Variants in TRIO observed in about 807,000 individuals in gnomAD.
TRIO encodes triple functional domain protein.
TRIO carries 58 observed loss-of-function variants against 351.9 expected under a neutral mutation model. The ratio of observed to expected loss-of-function variants is 0.16; its 90% CI spans 0.13 to 0.21. The LOEUF is 0.21. Among genes scored for constraint, TRIO ranks in the 10% least tolerant of loss-of-function variants. TRIO has a pLI of 1.00. For missense variants in TRIO, 3,201 were observed against 4,027.8 expected (o/e 0.79, Z 5.56); for synonymous variants, 1,758 against 1,595.7 (o/e 1.10, Z -2.42).
rs1382445656 is a variant in TRIO, at chr5:14,476,907, G to A, written c.6097G>A (p.Glu2033Lys). ...YDWHRDFFLG[E>K]LEKCLEDPEK... is the part of the protein sequence containing the mutation. ...CTTTCTTTCCAGCTTTTTTTTAGGA[G>A]AGTTAGAGAAGTGCCTTGAAGATCC... is the stretch of plus-strand genomic sequence containing the variant. Residue 2033 changes from glutamate to lysine, a missense_variant, in exon 41 of 57, where the codon GAG becomes AAG. Around this residue, in one of 19 missense-constraint regions of TRIO, gnomAD observed 307 missense variants for 396.5 expected, o/e 0.77. Transcript: ENST00000344204. 1 of 1,613,578 alleles carries A rather than the reference G, an allele frequency of 6.2e-7. No homozygotes were observed.
intron 1 of TRIO, among the ~76,000 whole-genome samples, chr5:14,254,189 C>G (rs148202952): frequency 3.7e-4 from 56 of 151,802 alleles, no homozygotes; most frequent in African/African-American, 1.3e-3. Context: ...GTTCTCCCCC[C>G]CTCCCCCCGC....
At chr5:14,494,313 A>C (rs1756716027) in intron 49 of TRIO, among the ~76,000 whole-genome samples, 1 of 152,108 alleles carries the variant, frequency 6.6e-6, no homozygotes, top group Non-Finnish European at 1.5e-5. Flanking sequence ...AGAGGCATCT[A>C]CTCTGCCTGT....
chr5:14,191,557 G>GGTA, intron 1 of TRIO, among the ~76,000 whole-genome samples: 1 of 150,512 alleles, frequency 6.6e-6, no homozygotes, highest in Non-Finnish European at 1.5e-5. Flanking sequence ...AAAAAAAAGT[G>GGTA]GTAGTAGTAG....
At chr5:14,374,008 A>C (rs879935806) in intron 18 of TRIO, among the ~76,000 whole-genome samples, 2 of 152,138 alleles carry the variant, frequency 1.3e-5, no homozygotes, top group South Asian at 4.1e-4. Context: ...GGGCCTCTCT[A>C]TAGGGCAGAA....
chr5:14,438,871 A>G (rs182730891), intron 34 of TRIO, among the ~76,000 whole-genome samples: 107 of 152,282 alleles, frequency 7.0e-4, no homozygotes, highest in Non-Finnish European at 1.2e-3. Flanking sequence ...TACTTACTGT[A>G]TAAAATGCCC....
chr5:14,498,091 C>A lies in TRIO; in HGVS notation c.8050C>A (p.Pro2684Thr). ...LLNPNYIYDV[P>T]PEFVIPLSEV... is the part of the protein sequence containing the mutation. ...TTACCGACTCCTTTCCCATGCAGTTCCCCCAGAATTCGTCATTCCATTGAG... is the reference window on the plus strand; with the variant it reads ...TTACCGACTCCTTTCCCATGCAGTTACCCCAGAATTCGTCATTCCATTGAG... Residue 2684 changes from proline to threonine, a missense_variant and splice_region_variant, in exon 52 of 57, where the codon CCC becomes ACC. Transcript: ENST00000344204. 1.2e-6 allele frequency: 2 copies of A among 1,614,100 alleles called. No homozygotes were observed. The highest frequency in any genetic ancestry group is 1.7e-6 in the Non-Finnish European group (2 of 1,180,018).
At chr5:14,205,010 A>T (rs1791369280) in intron 1 of TRIO, among the ~76,000 whole-genome samples, 1 of 152,136 alleles carries the variant, frequency 6.6e-6, no homozygotes, top group Non-Finnish European at 1.5e-5. Flanking sequence ...TCCTCTTCCA[A>T]GCTCTTTTTC....
Position 14,359,391 on chromosome 5 carries a change from A to G in TRIO, c.2251A>G (p.Asn751Asp). ...CATCTCCAGTAACAAGACCCCCCACAACAGCTCCATCAACCACATTGAGAC... is the reference window on the plus strand; with the variant it reads ...CATCTCCAGTAACAAGACCCCCCACGACAGCTCCATCAACCACATTGAGAC... ...SAISSNKTPH[N>D]SSINHIETVL... Residue 751 changes from asparagine to aspartate, a missense_variant, in exon 13 of 57, where the codon AAC (asparagine) becomes GAC (aspartate). Coordinates refer to ENST00000344204, the MANE Select transcript of TRIO (RefSeq NM_007118.4). The G allele has an allele frequency of 6.2e-7, 1 of 1,614,198 alleles. No homozygotes were observed. The highest frequency in any genetic ancestry group is 8.5e-7 in the Non-Finnish European group (1 of 1,180,004).
chr5:14,503,131 C>T (rs1757414820), intron 54 of TRIO, among the ~76,000 whole-genome samples: 1 of 152,254 alleles, frequency 6.6e-6, no homozygotes, highest in Admixed American at 6.5e-5. Flanking sequence ...TCAGGGGTGG[C>T]CCAGCAGTGC....
At chr5:14,466,196 C>G (rs1754251685) in intron 37 of TRIO, 1 of 158,738 alleles carries the variant, frequency 6.3e-6, no homozygotes, top group Admixed American at 5.9e-5. Flanking sequence ...CAAGTTCCCT[C>G]CTAGAAGCTG....
intron 1 of TRIO, among the ~76,000 whole-genome samples, chr5:14,236,975 C>T (rs928007785): frequency 6.6e-6 from 1 of 152,202 alleles, no homozygotes; most frequent in Non-Finnish European, 1.5e-5. Flanking sequence ...TCTCCTGTTA[C>T]ACTCTGTGAT....
chr5:14,309,699 G>C (rs1410474819), intron 8 of TRIO, among the ~76,000 whole-genome samples: 1 of 152,184 alleles, frequency 6.6e-6, no homozygotes. Context: ...CTGCTGAGGA[G>C]GTGTCCATCT....
intron 2 of TRIO, among the ~76,000 whole-genome samples, chr5:14,279,545 C>G (rs1279769247): frequency 6.6e-6 from 1 of 152,078 alleles, no homozygotes; most frequent in African/African-American, 2.4e-5. Flanking sequence ...TCCTGACAAC[C>G]CCGATGGAAG....
At chr5:14,484,527 G>A (rs1755773057) in intron 46 of TRIO, among the ~76,000 whole-genome samples, 1 of 152,188 alleles carries the variant, frequency 6.6e-6, no homozygotes, top group Non-Finnish European at 1.5e-5. Flanking sequence ...CAACTGAAAA[G>A]TGCTTGTTTC....
chr5:14,165,028 G>A (rs1280213813), intron 1 of TRIO, among the ~76,000 whole-genome samples: 1 of 152,190 alleles, frequency 6.6e-6, no homozygotes, highest in Non-Finnish European at 1.5e-5. Flanking sequence ...AACAAAGGAA[G>A]GAAGGGCACT....
chr5:14,158,069 A>T (rs545556010), intron 1 of TRIO, among the ~76,000 whole-genome samples: 1 of 138,356 alleles, frequency 7.2e-6, no homozygotes, highest in Admixed American at 7.1e-5. Flanking sequence ...GACACATTTT[A>T]GCAAGAAAAA....
chr5:14,174,926 A>C (rs148359995), intron 1 of TRIO, among the ~76,000 whole-genome samples: 303 of 152,358 alleles, frequency 2.0e-3, no homozygotes, highest in African/African-American at 7.0e-3. Context: ...TAATTATTAC[A>C]GATCTCTCAA....
chr5:14,322,905 C>T (rs143702511), intron 9 of TRIO, among the ~76,000 whole-genome samples: 20 of 152,222 alleles, frequency 1.3e-4, no homozygotes, highest in South Asian at 8.3e-4. Flanking sequence ...AACTACTGGG[C>T]GCAGGTAGAG....
chr5:14,426,903 T>C (rs977556857), intron 34 of TRIO, among the ~76,000 whole-genome samples: 4 of 152,224 alleles, frequency 2.6e-5, no homozygotes, highest in Admixed American at 1.3e-4. Flanking sequence ...GTATGCACTT[T>C]ATATAGATTT....
Sources: gnomAD v4.1 joint callset for allele counts (sites outside exome capture counted in the v4.1 genomes callset) on GRCh38, gnomAD v4.1.1 for gene constraint, gnomAD v4.1.1 regional missense constraint, MANE v1.5 for transcripts, NCBI Gene and HGNC (gene_info 2026-07-23, HGNC 2026-07-21) for gene names.